The following NFIC variants were observed in gnomAD, a reference collection of about 807,000 sequenced individuals.
NFIC encodes nuclear factor 1 C-type.
In NFIC, 12 loss-of-function variants were observed where a neutral mutation model predicts 54.4. That is an observed-to-expected ratio of 0.22 (90% CI 0.14 to 0.36). NFIC has a LOEUF of 0.36. NFIC is among the 10% of genes least tolerant of loss of function. The probability of loss-of-function intolerance (pLI) is 1.00; values close to 1 mark genes in which losing one functional copy is unlikely to be tolerated. For synonymous variants in NFIC, 322 were observed against 319.2 expected (o/e 1.01, Z -0.09); for missense variants, 575 against 718.2 (o/e 0.80, Z 2.28).
At chr19:3,455,047 G>T (rs2082530491) in intron 9 of NFIC, among the ~76,000 whole-genome samples, 1 of 152,190 alleles carries the variant, frequency 6.6e-6, no homozygotes, top group Non-Finnish European at 1.5e-5. Flanking sequence ...GTTTGCCTTG[G>T]TGCCCAATTC....
Position 3,429,253 on chromosome 19 carries a change from T to TACACACACACACACAC in NFIC, c.634+4103_634+4118dup, listed in dbSNP as rs57948823. On this transcript the variant is annotated intron_variant, in intron 3 of 10. Coordinates refer to ENST00000443272, the MANE Select transcript of NFIC (RefSeq NM_001245002.2). ...CCCCAAAAAAAAAAAAAAAAATATATACACACACACACACACACACACACA... is the reference window on the plus strand; with the variant it reads ...CCCCAAAAAAAAAAAAAAAAATATATACACACACACACACACACACACACACACACACACACACACA... Among the ~76,000 whole-genome samples, 329 of 50,750 alleles carry TACACACACACACACAC rather than the reference T, an allele frequency of 6.5e-3. 19 individuals carry two copies. The highest frequency in any genetic ancestry group is 8.3e-3 in the Non-Finnish European group (252 of 30,346). 33.3% of individuals were successfully genotyped at this position (50,750 alleles called of 152,430 possible).
intron 6 of NFIC, among the ~76,000 whole-genome samples, chr19:3,448,247 A>G (rs978825282): frequency 1.3e-5 from 2 of 152,010 alleles, no homozygotes; most frequent in Non-Finnish European, 2.9e-5. Context: ...TAATTTTTGT[A>G]TTTTTAGTGG....
chr19:3,425,291 C>T, intron 3 of NFIC, 114 bp downstream of exon 3: 1 of 1,268,268 alleles, frequency 7.9e-7, no homozygotes. Context: ...CAGACTGAGG[C>T]TCGGAGAGGT....
In NFIC at chr19:3,463,295, G is replaced by C; in HGVS notation, c.*526G>C. ...GGGCCCCCGCGCCTCTGCCGGACAC[G>C]GACCGGCCCCTCAGCCCCCACCGAG... On this transcript the variant is annotated 3_prime_UTR_variant, in exon 11 of 11. Transcript: ENST00000443272. 2.0e-6 allele frequency: 2 copies of C among 988,722 alleles called. No individual in the cohort carries two copies. Among genetic ancestry groups the C allele is most frequent in the Non-Finnish European group, 2.4e-6 (2 of 832,518 alleles). The allele number at this position is 988,722 out of a possible 1,614,324, so 61.2% of individuals were successfully genotyped here.
intron 5 of NFIC, 38 bp from the exon 6 acceptor site, chr19:3,435,045 C>T: frequency 6.5e-7 from 1 of 1,541,316 alleles, no homozygotes; most frequent in Non-Finnish European, 8.8e-7. Context: ...CCCCGCGTCT[C>T]CCTGGTAACC....
Position 3,463,114 on chromosome 19 carries a change from A to G in NFIC, c.*345A>G. 8.3e-7 allele frequency: 1 copy of G among 1,202,266 alleles called. No homozygotes were observed. The highest frequency in any genetic ancestry group is 2.2e-5 in the South Asian group (1 of 44,550). 74.5% of individuals were successfully genotyped at this position (1,202,266 alleles called of 1,614,324 possible). ...CCGGGACAGGGCGTCTTCCTAAGTTATTCATCTCCTCTCCGCCTGCTGCTC... is the reference window on the plus strand; with the variant it reads ...CCGGGACAGGGCGTCTTCCTAAGTTGTTCATCTCCTCTCCGCCTGCTGCTC... On this transcript the variant is annotated 3_prime_UTR_variant, in exon 11 of 11. Transcript: ENST00000443272.
At chr19:3,383,179 C>T (rs1303305958) in intron 2 of NFIC, among the ~76,000 whole-genome samples, 1 of 152,112 alleles carries the variant, frequency 6.6e-6, no homozygotes, top group East Asian at 1.9e-4. Flanking sequence ...TCTGTGAATG[C>T]TTGTTGGTTG....
rs1184884492 is a variant in NFIC at position 3,464,984 on chromosome 19, A to C, written c.*2215A>C. The C allele has an allele frequency of 6.6e-6, 1 of 151,872 alleles. No individual in the cohort carries two copies. Among genetic ancestry groups the C allele is most frequent in the Non-Finnish European group, 1.5e-5 (1 of 68,060 alleles). 9.4% of individuals were successfully genotyped at this position (151,872 alleles called of 1,614,324 possible). A position where few individuals can be genotyped will look rare whatever the true frequency, so the allele number is the denominator to read the frequency against. The stretch of plus-strand genomic sequence containing the variant: ...AGGCCAGCCGGGCTCCAGAGGGGTC[A>C]GGGCGCGACGAGAACCAACTCTTTA... On this transcript the variant is annotated 3_prime_UTR_variant, in exon 11 of 11. Transcript: ENST00000443272.
chr19:3,405,142 C>T (rs1378146984), intron 2 of NFIC, among the ~76,000 whole-genome samples: 2 of 152,222 alleles, frequency 1.3e-5, no homozygotes, highest in African/African-American at 2.4e-5. Flanking sequence ...CCGGCCCAGG[C>T]GGCCCGGCGG....
chr19:3,361,750 G>T (rs1400553198), upstream of NFIC, among the ~76,000 whole-genome samples: 1 of 152,004 alleles, frequency 6.6e-6, no homozygotes, highest in African/African-American at 2.4e-5. Flanking sequence ...ACTCCCGGAG[G>T]GACGGTTGGA....
At chr19:3,417,577 A>G (rs1382912782) in intron 2 of NFIC, among the ~76,000 whole-genome samples, 1 of 151,270 alleles carries the variant, frequency 6.6e-6, no homozygotes, top group Non-Finnish European at 1.5e-5. Context: ...CTGGGTGTGT[A>G]CTAAGTAGGT....
At chr19:3,382,537 T>G (rs1161521923) in intron 2 of NFIC, among the ~76,000 whole-genome samples, 1 of 151,316 alleles carries the variant, frequency 6.6e-6, no homozygotes, top group Non-Finnish European at 1.5e-5. Flanking sequence ...AGGAGGCCAG[T>G]GCATATAGAT....
chr19:3,429,494 G>C (rs1213076660), intron 3 of NFIC, among the ~76,000 whole-genome samples: 1 of 152,138 alleles, frequency 6.6e-6, no homozygotes, highest in Non-Finnish European at 1.5e-5. Context: ...GGGAGGCTGA[G>C]GCAGGAGCAT....
chr19:3,388,172 G>A (rs1015642975), intron 2 of NFIC, among the ~76,000 whole-genome samples: 5 of 152,076 alleles, frequency 3.3e-5, no homozygotes, highest in African/African-American at 7.2e-5. Context: ...AGCCCGGCCC[G>A]GGAAGCTCAT....
exon 1 of NFIC, chr19:3,359,672 G>C: frequency 7.1e-7 from 1 of 1,408,558 alleles, no homozygotes; most frequent in Non-Finnish European, 9.4e-7. Flanking sequence ...TCGCCTCCTC[G>C]CAGCAGCGCC....
intron 1 of NFIC, chr19:3,359,776 AG>A: frequency 8.0e-6 from 10 of 1,247,878 alleles, no homozygotes; most frequent in South Asian, 1.9e-5. Flanking sequence ...CTGGGGGGAC[AG>A]GGGGCGGGGG....
intron 2 of NFIC, among the ~76,000 whole-genome samples, chr19:3,389,725 G>A (rs1329090244): frequency 6.6e-6 from 1 of 152,190 alleles, no homozygotes; most frequent in Non-Finnish European, 1.5e-5. Flanking sequence ...GCTCACACCT[G>A]TAATCCCAGC....
intron 6 of NFIC, among the ~76,000 whole-genome samples, chr19:3,438,428 T>TC (rs2082239471): frequency 2.3e-5 from 3 of 133,206 alleles, no homozygotes; most frequent in African/African-American, 5.4e-5. Context: ...CCTGAGGGTT[T>TC]CTTTTTTTTT....
rs1055734862 is a variant in NFIC at position 3,464,712 on chromosome 19, C to G, written c.*1943C>G. 2.3e-5 allele frequency: 23 copies of G among 985,284 alleles called. No individual in the cohort carries two copies. The highest frequency in any genetic ancestry group is 2.7e-5 in the Non-Finnish European group (22 of 830,118). 61.0% of individuals were successfully genotyped at this position (985,284 alleles called of 1,614,324 possible). ...TAGCCTCAGGAGCTTGGCGAACCCG[C>G]TCGCTCCTAAAGAGAAAGACCCAGG... On this transcript the variant is annotated 3_prime_UTR_variant, in exon 11 of 11. Coordinates refer to ENST00000443272, the MANE Select transcript of NFIC (RefSeq NM_001245002.2).
Sources: gnomAD v4.1 joint callset for allele counts (sites outside exome capture counted in the v4.1 genomes callset) on GRCh38, gnomAD v4.1.1 for gene constraint, MANE v1.5 for transcripts, NCBI Gene and HGNC (gene_info 2026-07-23, HGNC 2026-07-21) for gene names.